KCNQ5: variants seen among roughly 807,000 people sequenced by gnomAD.
KCNQ5 encodes potassium voltage-gated channel subfamily KQT member 5.
Under a neutral mutation model 98.2 loss-of-function variants are expected in KCNQ5, and 30 were observed. That is an observed-to-expected ratio of 0.31 (90% CI 0.23 to 0.41). KCNQ5 has a LOEUF of 0.41. Among genes scored for constraint, KCNQ5 ranks in the 10% least tolerant of loss-of-function variants. The pLI is 1.00. For missense variants in KCNQ5, 835 were observed against 1,182.5 expected (o/e 0.71, Z 4.31); for synonymous variants, 458 against 449.4 (o/e 1.02, Z -0.24).
intron 1 of KCNQ5, among the ~76,000 whole-genome samples, chr6:72,948,320 G>A (rs1204824592): frequency 2.6e-5 from 4 of 151,874 alleles, no homozygotes; most frequent in Non-Finnish European, 4.4e-5. Flanking sequence ...CTGACCTGTC[G>A]TTACCATACT....
intron 1 of KCNQ5, among the ~76,000 whole-genome samples, chr6:72,749,992 A>G (rs1223921370): frequency 6.6e-6 from 1 of 152,186 alleles, no homozygotes; most frequent in Non-Finnish European, 1.5e-5. Context: ...CATTGTTTAT[A>G]ATTTTTAATT....
At chr6:72,860,371 C>G (rs147711754) in intron 1 of KCNQ5, among the ~76,000 whole-genome samples, 3 of 152,078 alleles carry the variant, frequency 2.0e-5, no homozygotes, top group African/African-American at 7.2e-5. Context: ...TTCTTGGTGG[C>G]GGAAAGATTT....
intron 1 of KCNQ5, among the ~76,000 whole-genome samples, chr6:72,783,953 C>T (rs773057112): frequency 6.6e-5 from 10 of 152,242 alleles, no homozygotes; most frequent in Non-Finnish European, 1.3e-4. Context: ...TACCACAGAA[C>T]ACAAAAGGCC....
rs1011109417 is a variant in KCNQ5, at chr6:73,041,856, G to A, written c.490-80G>A. On this transcript the variant is annotated intron_variant, in intron 2 of 13. Coordinates refer to ENST00000370398, the MANE Select transcript of KCNQ5 (RefSeq NM_019842.4). ...GATCCTTTAGACAAAGTGCCTAAAT[G>A]TCCAAAAATATGCATAGAGCTTCTT... The A allele has an allele frequency of 2.7e-5, 41 of 1,542,528 alleles. No homozygotes were observed. In the South Asian group the frequency reaches 3.8e-4, roughly 14 times the overall value.
Position 73,194,520 on chromosome 6 carries a change from T to C in KCNQ5, c.1905T>C (p.Ser635=), listed in dbSNP as rs940796867. 6.2e-7 allele frequency: 1 copy of C among 1,614,128 alleles called. No homozygotes were observed. Among genetic ancestry groups the C allele is most frequent in the African/African-American group, 1.3e-5 (1 of 74,942 alleles). The part of the protein sequence containing the change: ...DIYQQVLRKG[S]ASALALASFQ... The stretch of plus-strand genomic sequence containing the variant: ...ATCAACAGGTCCTTCGGAAAGGCTC[T>C]GCCTCAGCCCTCGCTTTGGCTTCAT... Residue 635 remains serine, a synonymous_variant, in exon 14 of 14, where the codon TCT becomes TCC. Coordinates refer to ENST00000370398, the MANE Select transcript of KCNQ5 (RefSeq NM_019842.4).
chr6:72,962,266 T>TATATAC, intron 1 of KCNQ5, among the ~76,000 whole-genome samples: 1 of 144,682 alleles, frequency 6.9e-6, no homozygotes, highest in Non-Finnish European at 1.5e-5. Flanking sequence ...CATATATATA[T>TATATAC]ACATATATAT....
intron 7 of KCNQ5, among the ~76,000 whole-genome samples, chr6:73,120,032 A>G (rs1179495640): frequency 6.6e-6 from 1 of 150,454 alleles, no homozygotes; most frequent in Non-Finnish European, 1.5e-5. Context: ...GAGGTCAGGA[A>G]TTTGAGACCA....
chr6:73,190,143 C>T (rs1169394258), intron 11 of KCNQ5, among the ~76,000 whole-genome samples: 1 of 151,574 alleles, frequency 6.6e-6, no homozygotes, highest in East Asian at 1.9e-4. Flanking sequence ...GAGTGTTTTG[C>T]AAACACATTT....
At position 73,198,161 on chromosome 6, in the gene KCNQ5, G is replaced by C. The variant is rs1227254479; in HGVS notation, c.*2747G>C. 1 of 152,172 alleles carries C rather than the reference G, an allele frequency of 6.6e-6. No homozygotes were observed. The highest frequency in any genetic ancestry group is 1.5e-5 in the Non-Finnish European group (1 of 68,034). The allele number at this position is 152,172 out of a possible 1,614,324, so 9.4% of individuals were successfully genotyped here. On this transcript the variant is annotated 3_prime_UTR_variant, in exon 14 of 14. Transcript: ENST00000370398. ...GAAGCACAATTTAGCTGAGCACTGAGTAGCCATATGCTTTCTGAGTACAAG... is the reference window on the plus strand; with the variant it reads ...GAAGCACAATTTAGCTGAGCACTGACTAGCCATATGCTTTCTGAGTACAAG...
At chr6:72,701,294 C>A (rs143514181) in intron 1 of KCNQ5, among the ~76,000 whole-genome samples, 1 of 152,274 alleles carries the variant, frequency 6.6e-6, no homozygotes, top group East Asian at 1.9e-4. Context: ...ACTTACATAA[C>A]GTTTAAGGCT....
At chr6:73,180,579 C>G (rs1241130489) in intron 11 of KCNQ5, among the ~76,000 whole-genome samples, 1 of 152,144 alleles carries the variant, frequency 6.6e-6, no homozygotes, top group Non-Finnish European at 1.5e-5. Context: ...GATTGTTCCA[C>G]CCCCAACACA....
intron 1 of KCNQ5, among the ~76,000 whole-genome samples, chr6:72,702,418 G>A (rs917631712): frequency 1.3e-5 from 2 of 151,510 alleles, no homozygotes; most frequent in South Asian, 4.2e-4. Flanking sequence ...GAAATACAAG[G>A]TTTTTTTTTC....
chr6:72,980,800 G>T (rs538844487), intron 1 of KCNQ5, among the ~76,000 whole-genome samples: 1 of 152,244 alleles, frequency 6.6e-6, no homozygotes, highest in South Asian at 2.1e-4. Flanking sequence ...GTATGATATT[G>T]GTTGTGGGTT....
At chr6:73,075,512 C>G (rs1280448750) in intron 3 of KCNQ5, among the ~76,000 whole-genome samples, 1 of 152,160 alleles carries the variant, frequency 6.6e-6, no homozygotes, top group Non-Finnish European at 1.5e-5. Context: ...TGAGCCACTG[C>G]GCCCAGCCTA....
chr6:73,175,234 T>C (rs966867323), intron 11 of KCNQ5, among the ~76,000 whole-genome samples: 50 of 151,892 alleles, frequency 3.3e-4, no homozygotes, highest in Non-Finnish European at 6.6e-4. Flanking sequence ...CACTGCAACC[T>C]CCACCTCCCA....
At chr6:72,839,232 T>A (rs1342880872) in intron 1 of KCNQ5, among the ~76,000 whole-genome samples, 1 of 152,220 alleles carries the variant, frequency 6.6e-6, no homozygotes, top group Non-Finnish European at 1.5e-5. Context: ...CTACTTCCAT[T>A]TGCTTGGAAA....
At chr6:72,649,760 A>C (rs1229624135) in intron 1 of KCNQ5, among the ~76,000 whole-genome samples, 2 of 152,172 alleles carry the variant, frequency 1.3e-5, no homozygotes, top group African/African-American at 4.8e-5. Flanking sequence ...TCAGATGACA[A>C]GCAAATTCTT....
rs1765718006 is a variant in KCNQ5, at chr6:73,194,706, C to T, written c.2091C>T (p.Phe697=). 1 of 1,614,244 alleles carries T rather than the reference C, an allele frequency of 6.2e-7. No homozygotes were observed. Among genetic ancestry groups the T allele is most frequent in the Non-Finnish European group, 8.5e-7 (1 of 1,180,040 alleles). Residue 697 remains phenylalanine, a synonymous_variant, in exon 14 of 14, where the codon TTC becomes TTT. Coordinates refer to ENST00000370398, the MANE Select transcript of KCNQ5 (RefSeq NM_019842.4). The part of the protein sequence containing the change: ...GLQFILTPNE[F]SAQTFYALSP... The stretch of plus-strand genomic sequence containing the variant: ...AGTTCATTCTGACGCCAAATGAGTT[C>T]AGTGCCCAGACTTTCTACGCGCTTA...
rs192016133 is a variant in KCNQ5, at chr6:73,016,226, G to A, written c.489+12228G>A. On this transcript the variant is annotated intron_variant, in intron 2 of 13. Coordinates refer to ENST00000370398, the MANE Select transcript of KCNQ5 (RefSeq NM_019842.4). ...GGCAGAGACTTGAATGGAATGAGGC[G>A]ATGAGGCATGCAAAGATTAGGGAAA... Among the ~76,000 whole-genome samples, 17 of 152,190 alleles carry A rather than the reference G, an allele frequency of 1.1e-4. 1 individual carries two copies. The highest frequency in any genetic ancestry group is 6.6e-4 in the Admixed American group (10 of 15,260).
Sources: allele counts gnomAD v4.1 joint callset (sites outside exome capture counted in the v4.1 genomes callset), GRCh38; gene constraint gnomAD v4.1.1; transcripts MANE v1.5; gene names NCBI Gene and HGNC (gene_info 2026-07-23, HGNC 2026-07-21).